NBEA: variants seen among roughly 807,000 people sequenced by gnomAD.
NBEA encodes neurobeachin.
A neutral mutation model predicts 343.4 loss-of-function variants in NBEA; 44 were observed. That is an observed-to-expected ratio of 0.13 (90% CI 0.10 to 0.16). The LOEUF (loss-of-function observed/expected upper bound fraction) is 0.16. Among genes scored for constraint, NBEA ranks in the 10% least tolerant of loss-of-function variants. The pLI is 1.00. For missense variants in NBEA, 2,555 were observed against 3,631.3 expected (o/e 0.70, Z 7.62); for synonymous variants, 1,175 against 1,238.7 (o/e 0.95, Z 1.08).
chr13:35,338,866 C>A (rs1039844988), intron 36 of NBEA, among the ~76,000 whole-genome samples: 1 of 151,982 alleles, frequency 6.6e-6, no homozygotes, highest in African/African-American at 2.4e-5. Flanking sequence ...CAACGTAATA[C>A]ACCATATTGC....
intron 32 of NBEA, among the ~76,000 whole-genome samples, chr13:35,210,792 C>G (rs10454598): frequency 0.14 from 21,545 of 151,892 alleles, 1,579 homozygotes; most frequent in South Asian, 0.2. Flanking sequence ...TTTTTCATTT[C>G]TTGATGTTTT....
chr13:35,004,783 A>G (rs190404288), intron 1 of NBEA, among the ~76,000 whole-genome samples: 56 of 152,346 alleles, frequency 3.7e-4, no homozygotes, highest in Admixed American at 1.3e-3. Flanking sequence ...CCAAAAGAAG[A>G]GGATTTATAA....
chr13:35,368,558 A>G (rs971570782), intron 38 of NBEA, among the ~76,000 whole-genome samples: 5 of 151,658 alleles, frequency 3.3e-5, no homozygotes, highest in Non-Finnish European at 5.9e-5. Flanking sequence ...ACAATCAAAA[A>G]TTATTTGTTT....
Position 35,568,101 on chromosome 13 carries a change from A to ATGTG in NBEA, c.7035+1084_7035+1085insTGTG, listed in dbSNP as rs1408032870. On this transcript the variant is annotated intron_variant, in intron 45 of 58. Coordinates refer to ENST00000379939, the MANE Select transcript of NBEA (RefSeq NM_001385012.1). ...GTACATTTAAAAATTATAACATAGT[A>ATGTG]CTTGGCACATAGAAGCACTTCCTGA... Among the ~76,000 whole-genome samples, 4 of 152,350 alleles carry ATGTG rather than the reference A, an allele frequency of 2.6e-5. No homozygotes were observed. The South Asian group carries it at 6.2e-4, about 24-fold the overall frequency.
intron 41 of NBEA, among the ~76,000 whole-genome samples, chr13:35,485,855 T>C (rs1044733781): frequency 6.6e-6 from 1 of 152,084 alleles, no homozygotes; most frequent in Admixed American, 6.6e-5. Context: ...CTTTTAAAAG[T>C]TTCCAGTATT....
At chr13:35,478,740 C>G (rs2075992507) in intron 41 of NBEA, among the ~76,000 whole-genome samples, 1 of 152,232 alleles carries the variant, frequency 6.6e-6, no homozygotes, top group African/African-American at 2.4e-5. Context: ...AGCCGCGGGC[C>G]CCTGCGCCCT....
chr13:35,019,909 C>CA (rs1487298229), intron 1 of NBEA, among the ~76,000 whole-genome samples: 1 of 152,146 alleles, frequency 6.6e-6, no homozygotes, highest in Admixed American at 6.5e-5. Flanking sequence ...CCAGCCGCTC[C>CA]AGCTGTCCCA....
rs367715534 is a variant in NBEA at position 35,051,789 on chromosome 13, G to A, written c.972+1394G>A. On this transcript the variant is annotated intron_variant, in intron 6 of 58. Coordinates refer to ENST00000379939, the MANE Select transcript of NBEA (RefSeq NM_001385012.1). ...AGTGGAATAGATTAGAAGTACAGTT[G>A]TTGGTATTATAATTTTTCATGTTAG... Among the ~76,000 whole-genome samples the A allele has an allele frequency of 5.9e-5, 9 of 152,054 alleles. No homozygotes were observed. The East Asian group carries it at 7.7e-4, about 13-fold the overall frequency.
At chr13:34,984,431 T>G (rs1374885505) in intron 1 of NBEA, among the ~76,000 whole-genome samples, 1 of 152,234 alleles carries the variant, frequency 6.6e-6, no homozygotes, top group Non-Finnish European at 1.5e-5. Context: ...AGTACCATGC[T>G]GTTTTGGTTA....
Position 35,544,820 on chromosome 13 carries a change from T to G in NBEA, c.6586-5657T>G, listed in dbSNP as rs139964426. Among the ~76,000 whole-genome samples the G allele has an allele frequency of 8.5e-5, 13 of 152,352 alleles. No individual in the cohort carries two copies. In the East Asian group the frequency reaches 2.3e-3, roughly 27 times the overall value. ...GATTTGGGGTCAAGATGCTTTAATA[T>G]TCTTGCTTATGATCTGTATGATGTA... On this transcript the variant is annotated intron_variant, in intron 41 of 58. Coordinates refer to ENST00000379939, the MANE Select transcript of NBEA (RefSeq NM_001385012.1).
intron 46 of NBEA, among the ~76,000 whole-genome samples, chr13:35,590,457 C>G (rs1237950790): frequency 6.6e-6 from 1 of 152,018 alleles, no homozygotes; most frequent in Non-Finnish European, 1.5e-5. Context: ...TAGGTGCCAC[C>G]AGATTCATTC....
intron 48 of NBEA, among the ~76,000 whole-genome samples, chr13:35,610,229 A>G (rs2153054037): frequency 6.6e-6 from 1 of 152,250 alleles, no homozygotes; most frequent in Non-Finnish European, 1.5e-5. Context: ...TTGTCCCTAC[A>G]AAAAATACAA....
chr13:35,418,110 C>T (rs768332333), intron 38 of NBEA, among the ~76,000 whole-genome samples: 1 of 152,000 alleles, frequency 6.6e-6, no homozygotes, highest in African/African-American at 2.4e-5. Flanking sequence ...TTTCTCCATC[C>T]CTTTATTTTG....
Position 35,118,568 on chromosome 13 carries a change from A to G in NBEA, c.2243+94A>G, listed in dbSNP as rs1318753140. The G allele has an allele frequency of 1.2e-5, 11 of 955,378 alleles. No homozygotes were observed. In the East Asian group the frequency reaches 2.7e-4, roughly 23 times the overall value. 59.2% of individuals were successfully genotyped at this position (955,378 alleles called of 1,614,324 possible). Reference sequence around the variant, plus strand: ...CTATTCTATGAATATTTGAATAAATATAGCAAAGTCTTGCACATAAGAGAA... The same window carrying G: ...CTATTCTATGAATATTTGAATAAATGTAGCAAAGTCTTGCACATAAGAGAA... On this transcript the variant is annotated intron_variant, in intron 16 of 58. Transcript: ENST00000379939.
intron 24 of NBEA, among the ~76,000 whole-genome samples, chr13:35,166,956 G>A (rs1158341437): frequency 9.2e-5 from 14 of 152,038 alleles, no homozygotes; most frequent in Admixed American, 9.2e-4. Context: ...TGTCTTGTAG[G>A]TGCTTTTAGA....
At chr13:35,207,057 A>G (rs2073442057) in intron 31 of NBEA, among the ~76,000 whole-genome samples, 1 of 152,082 alleles carries the variant, frequency 6.6e-6, no homozygotes, top group Non-Finnish European at 1.5e-5. Context: ...GAGATAGTGA[A>G]GAAATTTTTT....
chr13:35,394,560 T>C (rs946033458), intron 38 of NBEA, among the ~76,000 whole-genome samples: 1 of 152,168 alleles, frequency 6.6e-6, no homozygotes, highest in Non-Finnish European at 1.5e-5. Flanking sequence ...TTTTTCTTGC[T>C]ACATGAGCAA....
intron 34 of NBEA, among the ~76,000 whole-genome samples, chr13:35,279,210 G>A (rs552177996): frequency 6.6e-6 from 1 of 152,222 alleles, no homozygotes; most frequent in East Asian, 1.9e-4. Context: ...GTACTATTTT[G>A]TAAAACATTT....
At chr13:35,215,999 T>C (rs2152757261) in intron 33 of NBEA, among the ~76,000 whole-genome samples, 1 of 151,684 alleles carries the variant, frequency 6.6e-6, no homozygotes, top group African/African-American at 2.4e-5. Flanking sequence ...AATTTTATTA[T>C]TAATATTTTA....
Sources: allele counts gnomAD v4.1 joint callset (sites outside exome capture counted in the v4.1 genomes callset), GRCh38; gene constraint gnomAD v4.1.1; transcripts MANE v1.5; gene names NCBI Gene and HGNC (gene_info 2026-07-23, HGNC 2026-07-21).